The following RBFOX1 variants were observed in gnomAD, a reference collection of about 807,000 sequenced individuals.
RBFOX1 encodes RNA binding fox-1 homolog 1.
A neutral mutation model predicts 57.7 loss-of-function variants in RBFOX1; 8 were observed. That is an observed-to-expected ratio of 0.14 (90% CI 0.08 to 0.25). The LOEUF is 0.25. Among genes scored for constraint, RBFOX1 ranks in the 10% least tolerant of loss-of-function variants. RBFOX1 has a pLI of 1.00. For synonymous variants in RBFOX1, 326 were observed against 222.4 expected (o/e 1.47, Z -4.15); for missense variants, 611 against 548.5 (o/e 1.11, Z -1.14).
rs1182569461 is a variant in RBFOX1, at chr16:7,024,583, A to G, written c.-15-27474A>G. 3.9e-5 allele frequency among the ~76,000 whole-genome samples: 6 copies of G among 152,256 alleles called. No individual in the cohort carries two copies. The South Asian group carries it at 1.2e-3, about 32-fold the overall frequency. On this transcript the variant is annotated intron_variant, in intron 3 of 15. Coordinates refer to ENST00000550418, the MANE Select transcript of RBFOX1 (RefSeq NM_018723.4). Reference sequence around the variant, plus strand: ...GTAAACACTGGGGCAGGTAAGGGATATATTGCAAGCGATAACTGTGGGGTC... The same window carrying G: ...GTAAACACTGGGGCAGGTAAGGGATGTATTGCAAGCGATAACTGTGGGGTC...
At chr16:7,686,305 C>G (rs1460213240) in intron 14 of RBFOX1, among the ~76,000 whole-genome samples, 2 of 151,902 alleles carry the variant, frequency 1.3e-5, no homozygotes, top group African/African-American at 4.8e-5. Context: ...GAAATATAAA[C>G]ATAGGTTGGG....
intron 3 of RBFOX1, among the ~76,000 whole-genome samples, chr16:5,628,063 T>C (rs1191523747): frequency 3.3e-5 from 5 of 152,176 alleles, no homozygotes; most frequent in Admixed American, 3.3e-4. Flanking sequence ...AGTAAAGTAG[T>C]ATAAGGGTGA....
chr16:6,715,937 A>T (rs17141068), intron 3 of RBFOX1, among the ~76,000 whole-genome samples: 1 of 152,078 alleles, frequency 6.6e-6, no homozygotes, highest in African/African-American at 2.4e-5. Context: ...TCTTCCTAGT[A>T]TGATGATTAA....
At chr16:5,666,937 A>T (rs1348907517) in intron 3 of RBFOX1, among the ~76,000 whole-genome samples, 1 of 152,140 alleles carries the variant, frequency 6.6e-6, no homozygotes, top group Non-Finnish European at 1.5e-5. Context: ...GTTTCATTCT[A>T]TCTGCTACCA....
intron 2 of RBFOX1, among the ~76,000 whole-genome samples, chr16:6,623,862 G>C (rs1385061120): frequency 6.6e-6 from 1 of 152,156 alleles, no homozygotes; most frequent in African/African-American, 2.4e-5. Context: ...CATTTGGGTT[G>C]GTTCCAAGTC....
intron 3 of RBFOX1, among the ~76,000 whole-genome samples, chr16:5,641,297 GA>G (rs1459116444): frequency 6.6e-6 from 1 of 152,244 alleles, no homozygotes; most frequent in Admixed American, 6.5e-5. Flanking sequence ...GAATACAGTG[GA>G]AGGGAAAAGA....
At chr16:7,648,229 A>G (rs548672869) in intron 11 of RBFOX1, among the ~76,000 whole-genome samples, 3 of 151,498 alleles carry the variant, frequency 2.0e-5, no homozygotes, top group Non-Finnish European at 4.4e-5. Flanking sequence ...TTATTTATTT[A>G]TTTTTTTTGA....
At chr16:5,768,680 G>T (rs1037921882) in intron 3 of RBFOX1, among the ~76,000 whole-genome samples, 2 of 152,142 alleles carry the variant, frequency 1.3e-5, no homozygotes, top group African/African-American at 4.8e-5. Context: ...GCCTGCTGGG[G>T]AGGAAGCGGA....
intron 2 of RBFOX1, among the ~76,000 whole-genome samples, chr16:5,516,274 TC>T (rs1461720321): frequency 1.3e-5 from 2 of 152,190 alleles, no homozygotes; most frequent in Non-Finnish European, 2.9e-5. Context: ...TTATTTCCTA[TC>T]TTCCATCACT....
Position 7,503,890 on chromosome 16 carries a change from G to C in RBFOX1, c.28-14257G>C, listed in dbSNP as rs559219784. ...TGTCACTCAGGAATGGATGGCAGTG[G>C]TGATGGTTGGTTGGTATTGATAGCC... On this transcript the variant is annotated intron_variant, in intron 4 of 15. Transcript: ENST00000550418. 5.3e-5 allele frequency among the ~76,000 whole-genome samples: 8 copies of C among 152,256 alleles called. 1 individual carries two copies. In the South Asian group the frequency reaches 1.7e-3, roughly 32 times the overall value.
chr16:6,683,534 C>G (rs548336337), intron 3 of RBFOX1, among the ~76,000 whole-genome samples: 8 of 152,122 alleles, frequency 5.3e-5, no homozygotes, highest in African/African-American at 1.9e-4. Flanking sequence ...ATGTATATAG[C>G]TTTTGTTTTG....
intron 4 of RBFOX1, among the ~76,000 whole-genome samples, chr16:7,238,430 G>A (rs367950274): frequency 1.3e-5 from 2 of 152,142 alleles, no homozygotes; most frequent in East Asian, 1.9e-4. Context: ...AACAGATTCT[G>A]CTTTTTGCTT....
chr16:7,323,723 A>G (rs1021787246), intron 4 of RBFOX1, among the ~76,000 whole-genome samples: 2 of 152,256 alleles, frequency 1.3e-5, no homozygotes, highest in Non-Finnish European at 2.9e-5. Context: ...CAATGAAATG[A>G]GTACTGTGTC....
At chr16:7,449,067 T>C (rs570889991) in intron 4 of RBFOX1, among the ~76,000 whole-genome samples, 7 of 151,782 alleles carry the variant, frequency 4.6e-5, no homozygotes, top group Non-Finnish European at 7.4e-5. Flanking sequence ...GTAGCTGGGA[T>C]TACAGGCATG....
At chr16:5,384,919 G>A (rs482649) in intron 1 of RBFOX1, among the ~76,000 whole-genome samples, 80,739 of 151,758 alleles carry the variant, frequency 0.53, 21,800 homozygotes, top group Middle Eastern at 0.57. Context: ...CACCCAGAAC[G>A]GTGCCTGGCT....
At chr16:5,514,103 G>A (rs1175277782) in intron 2 of RBFOX1, among the ~76,000 whole-genome samples, 3 of 152,104 alleles carry the variant, frequency 2.0e-5, no homozygotes, top group East Asian at 1.9e-4. Context: ...GTCTAATCAC[G>A]TTAGGTAATA....
At chr16:6,464,057 A>T (rs916217033) in intron 2 of RBFOX1, among the ~76,000 whole-genome samples, 1 of 152,198 alleles carries the variant, frequency 6.6e-6, no homozygotes, top group African/African-American at 2.4e-5. Flanking sequence ...TCAAATTTTC[A>T]TGTTAGTTCC....
chr16:5,347,219 A>G (rs1371957888), intron 1 of RBFOX1, among the ~76,000 whole-genome samples: 1 of 152,072 alleles, frequency 6.6e-6, no homozygotes, highest in South Asian at 2.1e-4. Flanking sequence ...TTATTATTGC[A>G]TGTCTCTTCT....
intron 3 of RBFOX1, among the ~76,000 whole-genome samples, chr16:6,817,317 C>T (rs900302538): frequency 2.0e-5 from 3 of 152,214 alleles, no homozygotes; most frequent in Admixed American, 2.0e-4. Flanking sequence ...AAGCCCCTCT[C>T]CCATGTACGA....
Sources: allele counts gnomAD v4.1 joint callset (sites outside exome capture counted in the v4.1 genomes callset), GRCh38; gene constraint gnomAD v4.1.1; transcripts MANE v1.5; gene names NCBI Gene and HGNC (gene_info 2026-07-23, HGNC 2026-07-21).